The following CUL9 variants were observed in gnomAD, a reference collection of about 807,000 sequenced individuals.
The protein encoded by CUL9 is cullin 9, also known as cullin-9.
A neutral mutation model predicts 272.6 loss-of-function variants in CUL9; 79 were observed. The observed-to-expected ratio is 0.29, with a 90% CI of 0.24 to 0.35. The LOEUF (loss-of-function observed/expected upper bound fraction) is 0.35, where lower values mean the gene tolerates loss of function less well. Ranked by LOEUF, CUL9 falls within the 10% of genes least tolerant of loss-of-function variation. The pLI, the probability that CUL9 is intolerant of heterozygous loss-of-function variation, is 1.00. For synonymous variants in CUL9, 1,186 were observed against 1,286.5 expected (o/e 0.92, Z 1.67); for missense variants, 2,532 against 3,255.6 (o/e 0.78, Z 5.41).
Position 43,199,864 on chromosome 6 carries a change from T to G in CUL9, c.3157-65T>G. ...ACGACACTTCCTTTACTGAACCCTC[T>G]CCTCAATCCTTACATGTCCTACCTC... is the stretch of plus-strand genomic sequence containing the variant. On this transcript the variant is annotated intron_variant, in intron 13 of 40. Transcript: ENST00000252050. This position sits in a 1 kb window ranked among gnomAD's most constrained non-coding sequence, Gnocchi z 4.4. 1 of 1,306,246 alleles carries G rather than the reference T, an allele frequency of 7.7e-7. No homozygotes were observed. Among genetic ancestry groups the G allele is most frequent in the Non-Finnish European group, 1.1e-6 (1 of 904,774 alleles). 80.9% of individuals were successfully genotyped at this position (1,306,246 alleles called of 1,614,324 possible).
chr6:43,202,175 C>G (rs911633143), intron 16 of CUL9, among the ~76,000 whole-genome samples: 1 of 152,014 alleles, frequency 6.6e-6, no homozygotes, highest in Admixed American at 6.6e-5. Context: ...ACTGAGTGCA[C>G]GGAAGTTTTA....
At chr6:43,202,149 A>G (rs17209372) in intron 16 of CUL9, among the ~76,000 whole-genome samples, 17,704 of 152,246 alleles carry the variant, frequency 0.12, 1,117 homozygotes, top group African/African-American at 0.16. Flanking sequence ...CCTCAGTGAC[A>G]GTATTCTAGT....
At position 43,224,302 on chromosome 6, in the gene CUL9, G is replaced by A; in HGVS notation, c.7411G>A (p.Asp2471Asn). The change falls in exon 41 of 41, where the codon GAT (aspartate) becomes AAT (asparagine). Residue 2471 changes from aspartate (D) to asparagine (N), a missense_variant. This residue lies in a region of CUL9 where 237 missense variants were observed against 305.9 expected (regional missense o/e 0.77). Transcript: ENST00000252050. The surrounding 1 kb of genome is among the most constrained non-coding windows in gnomAD (Gnocchi z 4.2). ...AGAAGAGGAGGAGGAAGACGATGAG[G>A]ATGATGTGCCCGAGTGGCAGCAGGA... is the stretch of plus-strand genomic sequence containing the variant. ...EAEEEEEDDE[D>N]DVPEWQQDEF... is the part of the protein sequence containing the mutation. 7.4e-6 allele frequency: 12 copies of A among 1,614,226 alleles called. 1 individual carries two copies. The South Asian group carries it at 1.1e-4, about 15-fold the overall frequency.
In CUL9 at chr6:43,220,095, AC is replaced by A. The variant is rs1266035481; in HGVS notation, c.6283-361del. Among the ~76,000 whole-genome samples, 9 of 152,112 alleles carry A rather than the reference AC, an allele frequency of 5.9e-5. No individual in the cohort carries two copies. On this transcript the variant is annotated intron_variant, in intron 31 of 40. Coordinates refer to ENST00000252050, the MANE Select transcript of CUL9 (RefSeq NM_015089.4). The surrounding 1 kb of genome is among the most constrained non-coding windows in gnomAD (Gnocchi z 4.9). ...AGCTGTGTTGTCAGCCACCCAGGCA[AC>A]CCATTTCCCAGGCCTCCTTTCTCTC...
Position 43,220,687 on chromosome 6 carries a change from C to T in CUL9, c.6424-60C>T. 6.2e-7 allele frequency: 1 copy of T among 1,603,848 alleles called. No homozygotes were observed. The highest frequency in any genetic ancestry group is 1.3e-5 in the African/African-American group (1 of 74,842). ...GGCTGAGCTATGGGGTGCTGGGGGCCTGGAGGTGTGGCATCCTGGAGAGCC... is the reference window on the plus strand; with the variant it reads ...GGCTGAGCTATGGGGTGCTGGGGGCTTGGAGGTGTGGCATCCTGGAGAGCC... On this transcript the variant is annotated intron_variant, in intron 32 of 40. Transcript: ENST00000252050. The surrounding 1 kb of genome is among the most constrained non-coding windows in gnomAD (Gnocchi z 4.9).
intron 12 of CUL9, 85 bp downstream of exon 12, chr6:43,198,940 T>TA (rs1190025804): frequency 9.5e-6 from 3 of 316,396 alleles, no homozygotes; most frequent in African/African-American, 7.3e-5. Flanking sequence ...TTCTGTTTTC[T>TA]TTTTTTTTTT....
rs1231797856 is a variant in CUL9, at chr6:43,214,941, C to T, written c.5689-138C>T. The T allele has an allele frequency of 4.2e-6, 4 of 945,242 alleles. No homozygotes were observed. In the East Asian group the frequency reaches 7.9e-5, roughly 19 times the overall value. The allele number at this position is 945,242 out of a possible 1,614,324, so 58.6% of individuals were successfully genotyped here. A position where few individuals can be genotyped will look rare whatever the true frequency, so the allele number is the denominator to read the frequency against. ...GCAGTGAGCTGTGATCAGGCCACTG[C>T]ACTCTGGCCTGGGTGACAGAGCAAG... On this transcript the variant is annotated intron_variant, in intron 29 of 40. Transcript: ENST00000252050.
At chr6:43,205,453 G>T (rs1242798418) in intron 24 of CUL9, 30 bp downstream of exon 24, 9 of 1,604,376 alleles carry the variant, frequency 5.6e-6, no homozygotes, top group Non-Finnish European at 7.7e-6. Flanking sequence ...CATAGGGGAT[G>T]GGAGGCCTAG....
chr6:43,202,553 G>C (rs1774688888), intron 16 of CUL9, among the ~76,000 whole-genome samples, 163 bp from the exon 17 acceptor site: 1 of 152,108 alleles, frequency 6.6e-6, no homozygotes, highest in African/African-American at 2.4e-5. Context: ...TCCTTCTTTT[G>C]ATTTTTATTT....
chr6:43,186,053 C>A lies in CUL9; in HGVS notation c.849C>A (p.Asp283Glu). The A allele has an allele frequency of 6.2e-7, 1 of 1,614,238 alleles. No individual in the cohort carries two copies. The highest frequency in any genetic ancestry group is 8.5e-7 in the Non-Finnish European group (1 of 1,180,050). ...GCAGTCCAGAGCTGGGAGCTGGAGA[C>A]CAAAGCTCCCCATGTGCCACAAGAG... ...LNSSPELGAG[D>E]QSSPCATREK... Residue 283 changes from aspartate (D) to glutamate (E), a missense_variant, in exon 4 of 41, where the codon GAC (aspartate) becomes GAA (glutamate). Around this residue, in one of 3 missense-constraint regions of CUL9, gnomAD observed 2,218 missense variants for 2,788.6 expected, o/e 0.80. Transcript: ENST00000252050.
At chr6:43,209,170 G>A (rs2150601213) in intron 26 of CUL9, among the ~76,000 whole-genome samples, 1 of 146,644 alleles carries the variant, frequency 6.8e-6, no homozygotes. Flanking sequence ...TTTGGAAACG[G>A]AGTCTCACTG....
At chr6:43,198,418 T>A (rs1774202566) in intron 11 of CUL9, 191 bp from the exon 12 acceptor site, 1 of 985,016 alleles carries the variant, frequency 1.0e-6, no homozygotes, top group Admixed American at 6.1e-5. Flanking sequence ...ACTAGGTTTT[T>A]TTTTCAAATC....
At chr6:43,219,049 C>A (rs940112109) in intron 31 of CUL9, among the ~76,000 whole-genome samples, 2 of 152,140 alleles carry the variant, frequency 1.3e-5, no homozygotes, top group East Asian at 3.8e-4. Flanking sequence ...TTTACCCAGG[C>A]ATGGTGGTGC....
Position 43,221,497 on chromosome 6 carries a change from C to A in CUL9, c.6752+176C>A. ...GGATCTTAATGTTCCTTCTCCCACT[C>A]GTAAGTCCACACTGACTGGGGGAGT... is the stretch of plus-strand genomic sequence containing the variant. On this transcript the variant is annotated intron_variant, in intron 34 of 40. Transcript: ENST00000252050. This position sits in a 1 kb window ranked among gnomAD's most constrained non-coding sequence, Gnocchi z 4.2. The A allele has an allele frequency of 1.1e-6, 1 of 892,374 alleles. No individual in the cohort carries two copies. Among genetic ancestry groups the A allele is most frequent in the Non-Finnish European group, 1.7e-6 (1 of 595,814 alleles). The allele number at this position is 892,374 out of a possible 1,614,324, so 55.3% of individuals were successfully genotyped here. A position where few individuals can be genotyped will look rare whatever the true frequency, so the allele number is the denominator to read the frequency against.
At chr6:43,195,880 T>G (rs1374434217) in intron 9 of CUL9, among the ~76,000 whole-genome samples, 189 bp from the exon 10 acceptor site, 3 of 152,118 alleles carry the variant, frequency 2.0e-5, no homozygotes, top group African/African-American at 7.2e-5. Flanking sequence ...TTTCTTTTCC[T>G]TCCTCCCTCC....
intron 8 of CUL9, among the ~76,000 whole-genome samples, chr6:43,190,604 C>G (rs1300513844): frequency 6.6e-6 from 1 of 152,112 alleles, no homozygotes; most frequent in Non-Finnish European, 1.5e-5. Flanking sequence ...GGTAAACATC[C>G]TTACTTATTT....
chr6:43,191,481 A>ATTTTT (rs34090146), intron 8 of CUL9, among the ~76,000 whole-genome samples: 35 of 97,452 alleles, frequency 3.6e-4, no homozygotes, highest in Non-Finnish European at 4.7e-4. Flanking sequence ...CACCCAGCTA[A>ATTTTT]TTTTTTTTTT....
At position 43,220,683 on chromosome 6, in the gene CUL9, G is replaced by A; in HGVS notation, c.6424-64G>A. 3.7e-6 allele frequency: 6 copies of A among 1,603,844 alleles called. No individual in the cohort carries two copies. The South Asian group carries it at 5.5e-5, about 15-fold the overall frequency. On this transcript the variant is annotated intron_variant, in intron 32 of 40. Transcript: ENST00000252050. The surrounding 1 kb of genome is among the most constrained non-coding windows in gnomAD (Gnocchi z 4.9). ...AGTGGGCTGAGCTATGGGGTGCTGG[G>A]GGCCTGGAGGTGTGGCATCCTGGAG...
In CUL9 at chr6:43,221,338, T is replaced by C. The variant is rs377370740; in HGVS notation, c.6752+17T>C. On this transcript the variant is annotated intron_variant, in intron 34 of 40. Coordinates refer to ENST00000252050, the MANE Select transcript of CUL9 (RefSeq NM_015089.4). This position sits in a 1 kb window ranked among gnomAD's most constrained non-coding sequence, Gnocchi z 4.2. ...GTGCCTGCAGTAAGAAGGGGGGTAC[T>C]GTGGGGAGCCAGAGGGCAAGGAGGG... 1,350 of 1,511,394 alleles carry C rather than the reference T, an allele frequency of 8.9e-4. 29 individuals are homozygous for C. The South Asian group carries it at 0.012, about 13-fold the overall frequency. The allele number at this position is 1,511,394 out of a possible 1,614,324, so 93.6% of individuals were successfully genotyped here. A position where few individuals can be genotyped will look rare whatever the true frequency, so the allele number is the denominator to read the frequency against.
Sources: gnomAD v4.1 joint callset for allele counts (sites outside exome capture counted in the v4.1 genomes callset) on GRCh38, gnomAD v4.1.1 for gene constraint, gnomAD v4.1.1 regional missense constraint, Gnocchi (gnomAD v3.1) non-coding constraint, MANE v1.5 for transcripts, NCBI Gene and HGNC (gene_info 2026-07-23, HGNC 2026-07-21) for gene names.